The following ARHGAP44 variants were observed in gnomAD, a reference collection of about 807,000 sequenced individuals.
ARHGAP44 encodes Rho GTPase activating protein 44.
A neutral mutation model predicts 106.8 loss-of-function variants in ARHGAP44; 43 were observed. The observed-to-expected ratio is 0.40, with a 90% confidence interval of 0.32 to 0.52. The LOEUF is 0.52. ARHGAP44 is among the 20% of genes least tolerant of loss of function. ARHGAP44 has a pLI of 0.48. For synonymous variants in ARHGAP44, 439 were observed against 410.3 expected, an observed-to-expected ratio of 1.07 and a Z score of -0.85; for missense variants, 866 against 1,050.5, an observed-to-expected ratio of 0.82 and a Z score of 2.43.
chr17:12,842,774 T>A (rs573623248), intron 1 of ARHGAP44, among the ~76,000 whole-genome samples: 4 of 152,298 alleles, frequency 2.6e-5, no homozygotes, highest in Admixed American at 2.6e-4. Context: ...AGAAAAATAA[T>A]TGTCCCAAGA....
chr17:12,795,348 G>A (rs1246498162), intron 1 of ARHGAP44, among the ~76,000 whole-genome samples: 5 of 152,146 alleles, frequency 3.3e-5, no homozygotes, highest in Admixed American at 3.3e-4. Flanking sequence ...TCACTGTGTG[G>A]GTCTGCTGGG....
chr17:12,812,143 TA>T lies in ARHGAP44; in HGVS notation c.53+22254del, dbSNP rs551018954. Among the ~76,000 whole-genome samples, 22 of 152,320 alleles carry T rather than the reference TA, an allele frequency of 1.4e-4. No individual in the cohort carries two copies. The East Asian group carries it at 4.1e-3, about 28-fold the overall frequency. On this transcript the variant is annotated intron_variant, in intron 1 of 20. Coordinates refer to ENST00000379672, the MANE Select transcript of ARHGAP44 (RefSeq NM_014859.6). ...GGCAAACAAACATGAGTAAGTCTAATAATCTTACCCTCGAGGGGCTTATATT... is the reference window on the plus strand; with the variant it reads ...GGCAAACAAACATGAGTAAGTCTAATATCTTACCCTCGAGGGGCTTATATT...
At chr17:12,839,009 A>C (rs950935770) in intron 1 of ARHGAP44, among the ~76,000 whole-genome samples, 1 of 152,080 alleles carries the variant, frequency 6.6e-6, no homozygotes, top group African/African-American at 2.4e-5. Context: ...GCCCGGCCCA[A>C]TTTTAAAAAC....
At chr17:12,827,199 T>C (rs2034945968) in intron 1 of ARHGAP44, among the ~76,000 whole-genome samples, 1 of 152,240 alleles carries the variant, frequency 6.6e-6, no homozygotes, top group Admixed American at 6.5e-5. Context: ...TTTTTGTCTG[T>C]GTTCTTATAA....
At chr17:12,833,125 G>A (rs535949078) in intron 1 of ARHGAP44, among the ~76,000 whole-genome samples, 46 of 152,318 alleles carry the variant, frequency 3.0e-4, no homozygotes, top group African/African-American at 1.0e-3. Flanking sequence ...GGTAGTCTTC[G>A]TTCTGTTTCT....
chr17:12,925,307 C>T (rs1454628422), intron 6 of ARHGAP44, among the ~76,000 whole-genome samples: 6 of 152,158 alleles, frequency 3.9e-5, no homozygotes, highest in Non-Finnish European at 1.5e-5. Context: ...GGATCAGAGG[C>T]CCTCACCTGG....
intron 13 of ARHGAP44, among the ~76,000 whole-genome samples, chr17:12,953,091 C>T (rs116112304): frequency 0.018 from 2,775 of 152,172 alleles, 50 homozygotes; most frequent in African/African-American, 0.042. Flanking sequence ...TTGGTGGACA[C>T]CTGGGAGAAG....
intron 16 of ARHGAP44, among the ~76,000 whole-genome samples, chr17:12,971,273 T>C (rs2039521935): frequency 6.6e-6 from 1 of 152,142 alleles, no homozygotes; most frequent in Admixed American, 6.5e-5. Context: ...GGCTGGTGTC[T>C]GAGATTCCTG....
At chr17:12,931,194 C>A (rs928005243) in intron 7 of ARHGAP44, among the ~76,000 whole-genome samples, 1 of 151,972 alleles carries the variant, frequency 6.6e-6, no homozygotes, top group African/African-American at 2.4e-5. Flanking sequence ...GCCTTAGCCT[C>A]CTGAGTAGCT....
chr17:12,870,048 C>CTTTTTTT (rs3074688), intron 1 of ARHGAP44, among the ~76,000 whole-genome samples: 10 of 113,080 alleles, frequency 8.8e-5, no homozygotes, highest in East Asian at 5.2e-4. Flanking sequence ...CAAATACCGT[C>CTTTTTTT]TTTTTTTTTT....
At chr17:12,842,409 C>T (rs1464327860) in intron 1 of ARHGAP44, among the ~76,000 whole-genome samples, 3 of 106,188 alleles carry the variant, frequency 2.8e-5, no homozygotes, top group Non-Finnish European at 3.5e-5. Context: ...AGAGCGAGAC[C>T]ATCTCAAAAA....
At chr17:12,946,655 T>G (rs1017554592) in intron 10 of ARHGAP44, among the ~76,000 whole-genome samples, 8 of 151,580 alleles carry the variant, frequency 5.3e-5, no homozygotes, top group African/African-American at 1.9e-4. Flanking sequence ...AAAAATTAGC[T>G]GGGCATAGTG....
chr17:12,911,866 C>T (rs932573508), intron 4 of ARHGAP44, among the ~76,000 whole-genome samples: 1 of 152,178 alleles, frequency 6.6e-6, no homozygotes, highest in African/African-American at 2.4e-5. Context: ...ACCCTCTAAG[C>T]AGGAAATTAG....
intron 3 of ARHGAP44, among the ~76,000 whole-genome samples, chr17:12,903,126 G>GGA (rs1555553546): frequency 2.4e-3 from 171 of 70,634 alleles, no homozygotes; most frequent in South Asian, 5.3e-3. Flanking sequence ...GAGAGAGAGA[G>GGA]GAGAGAGAGA....
intron 3 of ARHGAP44, among the ~76,000 whole-genome samples, chr17:12,905,026 C>A (rs1009417246): frequency 2.6e-5 from 4 of 151,940 alleles, no homozygotes; most frequent in Admixed American, 1.3e-4. Flanking sequence ...CTCAGCCTCC[C>A]AAGTAGCTGG....
At chr17:12,987,019 AG>A (rs2039976513) in intron 20 of ARHGAP44, 1 of 1,124,984 alleles carries the variant, frequency 8.9e-7, no homozygotes, top group African/African-American at 1.6e-5. Flanking sequence ...ATATTGGCAT[AG>A]CTTTTTTTTT....
Position 12,816,808 on chromosome 17 carries a change from T to G in ARHGAP44, c.53+26917T>G, listed in dbSNP as rs539567526. Among the ~76,000 whole-genome samples the G allele has an allele frequency of 3.9e-5, 6 of 152,280 alleles. No individual in the cohort carries two copies. The South Asian group carries it at 1.0e-3, about 26-fold the overall frequency. On this transcript the variant is annotated intron_variant, in intron 1 of 20. Transcript: ENST00000379672. Reference sequence around the variant, plus strand: ...GGACAAGTAGACAAATCCACAGTTATAGGTGAGGACTTTGACACTCCTGTC... The same window carrying G: ...GGACAAGTAGACAAATCCACAGTTAGAGGTGAGGACTTTGACACTCCTGTC...
intron 5 of ARHGAP44, among the ~76,000 whole-genome samples, chr17:12,918,009 AT>A (rs1214045522): frequency 6.6e-6 from 1 of 152,108 alleles, no homozygotes; most frequent in Admixed American, 6.5e-5. Flanking sequence ...CAAGGAGAAA[AT>A]CGTGGATGAA....
rs538255905 is a variant in ARHGAP44 at position 12,943,189 on chromosome 17, G to A, written c.652-399G>A. On this transcript the variant is annotated intron_variant, in intron 8 of 20. Transcript: ENST00000379672. ...CCTGAGTAGCTGGGATTACAGGCAT[G>A]AGCCATCACACCTGACTCAGTAAAT... Among the ~76,000 whole-genome samples the A allele has an allele frequency of 4.6e-5, 7 of 152,304 alleles. No homozygotes were observed. In the South Asian group the frequency reaches 1.5e-3, roughly 32 times the overall value.
Sources: gnomAD v4.1 joint callset for allele counts (sites outside exome capture counted in the v4.1 genomes callset) on GRCh38, gnomAD v4.1.1 for gene constraint, MANE v1.5 for transcripts, NCBI Gene and HGNC (gene_info 2026-07-23, HGNC 2026-07-21) for gene names.